The following PPARD variants were observed in gnomAD, a reference collection of about 807,000 sequenced individuals.
The protein encoded by PPARD is peroxisome proliferator activated receptor delta, also known as peroxisome proliferator-activated receptor delta.
In PPARD, 6 loss-of-function variants were observed where a neutral mutation model predicts 39.5. The ratio of observed to expected loss-of-function variants is 0.15; its 90% confidence interval spans 0.08 to 0.30. The LOEUF (loss-of-function observed/expected upper bound fraction) is 0.30, where lower values mean the gene tolerates loss of function less well. PPARD is among the 10% of genes least tolerant of loss of function. The probability of loss-of-function intolerance (pLI) is 1.00; values close to 1 mark genes in which losing one functional copy is unlikely to be tolerated. For synonymous variants in PPARD, 210 were observed against 231.3 expected, an observed-to-expected ratio of 0.91 and a Z score of 0.83; for missense variants, 397 against 596.8, an observed-to-expected ratio of 0.67 and a Z score of 3.49.
chr6:35,368,606 A>AC (rs1468774601), intron 2 of PPARD, among the ~76,000 whole-genome samples: 1 of 152,012 alleles, frequency 6.6e-6, no homozygotes, highest in Non-Finnish European at 1.5e-5. Flanking sequence ...AGAGGCTGGC[A>AC]CCCTCCCTCA....
intron 5 of PPARD, among the ~76,000 whole-genome samples, chr6:35,423,310 C>T (rs1766318546): frequency 6.6e-6 from 1 of 151,822 alleles, no homozygotes; most frequent in Non-Finnish European, 1.5e-5. Context: ...GAGTGGATCA[C>T]CTGAGGTCAG....
intron 2 of PPARD, 65 bp downstream of exon 2, chr6:35,347,215 C>T: frequency 6.6e-7 from 1 of 1,509,410 alleles, no homozygotes; most frequent in Non-Finnish European, 8.9e-7. Flanking sequence ...GATTTAAGAT[C>T]CTGACCTTGA....
rs533547322 is a variant in PPARD, at chr6:35,366,904, A to T, written c.-102+19754A>T. 3.9e-5 allele frequency among the ~76,000 whole-genome samples: 6 copies of T among 152,356 alleles called. No individual in the cohort carries two copies. The highest frequency in any genetic ancestry group is 3.4e-3 in the Middle Eastern group (1 of 294). ...TTTCTTCGAAATGACCACAAAAAGA[A>T]GGTATTACTGATTAATATGCATATG... is the stretch of plus-strand genomic sequence containing the variant. On this transcript the variant is annotated intron_variant, in intron 2 of 7. Coordinates refer to ENST00000360694, the MANE Select transcript of PPARD (RefSeq NM_006238.5). The surrounding 1 kb of genome is among the most constrained non-coding windows in gnomAD (Gnocchi z 4.6).
intron 2 of PPARD, among the ~76,000 whole-genome samples, chr6:35,355,550 T>G (rs1319574341): frequency 1.8e-5 from 2 of 108,358 alleles, no homozygotes; most frequent in East Asian, 4.7e-4. Flanking sequence ...AGGCCCTGTC[T>G]GTAAAAAAAA....
intron 2 of PPARD, among the ~76,000 whole-genome samples, chr6:35,376,508 G>A (rs1300512609): frequency 1.3e-5 from 2 of 152,072 alleles, no homozygotes; most frequent in African/African-American, 4.8e-5. Flanking sequence ...TTGGGTGTGA[G>A]TTCATCTCCA....
chr6:35,348,732 G>C, intron 2 of PPARD: 2 of 985,330 alleles, frequency 2.0e-6, no homozygotes. Context: ...GGAAGGTCCT[G>C]GGTGGGGGGC....
intron 2 of PPARD, among the ~76,000 whole-genome samples, chr6:35,407,981 C>T (rs961478273): frequency 4.6e-5 from 7 of 152,230 alleles, no homozygotes; most frequent in East Asian, 3.9e-4. Flanking sequence ...AACAGAAATC[C>T]GGCAATCAGT....
At chr6:35,381,359 T>C (rs1763143727) in intron 2 of PPARD, among the ~76,000 whole-genome samples, 1 of 152,222 alleles carries the variant, frequency 6.6e-6, no homozygotes. Context: ...CTAAATTTAA[T>C]TGGTTTACTC....
chr6:35,402,493 C>A (rs1272113295), intron 2 of PPARD, among the ~76,000 whole-genome samples: 1 of 152,168 alleles, frequency 6.6e-6, no homozygotes, highest in African/African-American at 2.4e-5. Context: ...GAAGAGTACC[C>A]TCCTGTCTCT....
rs1288800210 is a variant in PPARD, at chr6:35,363,606, G to A, written c.-102+16456G>A. Among the ~76,000 whole-genome samples, 3 of 152,092 alleles carry A rather than the reference G, an allele frequency of 2.0e-5. No homozygotes were observed. Among genetic ancestry groups the A allele is most frequent in the Non-Finnish European group, 4.4e-5 (3 of 68,018 alleles). On this transcript the variant is annotated intron_variant, in intron 2 of 7. Transcript: ENST00000360694. The surrounding 1 kb of genome is among the most constrained non-coding windows in gnomAD (Gnocchi z 4.5). ...TGGTGTGGACCCACCAGGAAAGGGT[G>A]GATCCAGTGAGGCGGGGGCCAGGCC...
chr6:35,388,885 C>T (rs60514539), intron 2 of PPARD, among the ~76,000 whole-genome samples: 1,932 of 152,266 alleles, frequency 0.013, 34 homozygotes, highest in African/African-American at 0.041. Context: ...ATGCCTGCTG[C>T]GTGCCCAGCA....
rs9658101 is a variant in PPARD, at chr6:35,389,006, G to A, written c.-101-21981G>A. ...ACAGCAGGCAAAACTAGCTGATGGTGATAGAGGTCAGAAGAGTGGTTTACA... is the reference window on the plus strand; with the variant it reads ...ACAGCAGGCAAAACTAGCTGATGGTAATAGAGGTCAGAAGAGTGGTTTACA... On this transcript the variant is annotated intron_variant, in intron 2 of 7. Transcript: ENST00000360694. 2.8e-3 allele frequency among the ~76,000 whole-genome samples: 433 copies of A among 152,204 alleles called. 2 individuals carry two copies. The highest frequency in any genetic ancestry group is 4.9e-3 in the Non-Finnish European group (334 of 68,018).
chr6:35,376,199 G>A (rs890105045), intron 2 of PPARD, among the ~76,000 whole-genome samples: 1 of 152,164 alleles, frequency 6.6e-6, no homozygotes. Flanking sequence ...TTCCCCTAAT[G>A]TTAATCTCTT....
Position 35,424,395 on chromosome 6 carries a change from G to T in PPARD, c.694G>T (p.Val232Leu). ...AEKGLVWKQL[V>L]NGLPPYKEIS... Reference sequence around the variant, plus strand: ...GAAGGGGCTGGTGTGGAAGCAGTTGGTGAATGGCCTGCCTCCCTACAAGGA... The same window carrying T: ...GAAGGGGCTGGTGTGGAAGCAGTTGTTGAATGGCCTGCCTCCCTACAAGGA... Residue 232 changes from valine (V) to leucine (L), a missense_variant, in exon 7 of 8, where the codon GTG becomes TTG. Val to Leu is a conservative substitution (Grantham distance 32, BLOSUM62 1). Coordinates refer to ENST00000360694, the MANE Select transcript of PPARD (RefSeq NM_006238.5). This position sits in a 1 kb window ranked among gnomAD's most constrained non-coding sequence, Gnocchi z 7.1. 1 of 1,614,054 alleles carries T rather than the reference G, an allele frequency of 6.2e-7. No individual in the cohort carries two copies. The highest frequency in any genetic ancestry group is 1.1e-5 in the South Asian group (1 of 91,074).
In PPARD at chr6:35,410,925, C is replaced by T. The variant is rs899402577; in HGVS notation, c.-101-62C>T. ...CAGCAGCCCCCAAGCGTGCCCCACT[C>T]GCACCATCCTCTTCCTTGTCACTGC... is the stretch of plus-strand genomic sequence containing the variant. On this transcript the variant is annotated intron_variant, in intron 2 of 7. Coordinates refer to ENST00000360694, the MANE Select transcript of PPARD (RefSeq NM_006238.5). The T allele has an allele frequency of 9.7e-5, 122 of 1,254,278 alleles. 1 individual carries two copies. Among genetic ancestry groups the T allele is most frequent in the Admixed American group, 2.5e-4 (6 of 24,034 alleles). The allele number at this position is 1,254,278 out of a possible 1,614,324, so 77.7% of individuals were successfully genotyped here.
At chr6:35,376,154 G>A (rs1762804150) in intron 2 of PPARD, among the ~76,000 whole-genome samples, 1 of 152,144 alleles carries the variant, frequency 6.6e-6, no homozygotes, top group African/African-American at 2.4e-5. Context: ...GATAAACTTA[G>A]CTTTACACAG....
chr6:35,425,771 G>T lies in PPARD; in HGVS notation c.1079-61G>T. The T allele has an allele frequency of 6.3e-7, 1 of 1,588,436 alleles. No homozygotes were observed. The highest frequency in any genetic ancestry group is 8.6e-7 in the Non-Finnish European group (1 of 1,168,200). On this transcript the variant is annotated intron_variant, in intron 7 of 7. Coordinates refer to ENST00000360694, the MANE Select transcript of PPARD (RefSeq NM_006238.5). This position sits in a 1 kb window ranked among gnomAD's most constrained non-coding sequence, Gnocchi z 4.5. ...CCCCTGGGCCAAGTCACCTCTTGGG[G>T]TGGAAGTAGGGGAGCTCCACTGCCT...
intron 2 of PPARD, among the ~76,000 whole-genome samples, chr6:35,384,998 C>T (rs1274455483): frequency 7.0e-6 from 1 of 142,226 alleles, no homozygotes; most frequent in Non-Finnish European, 1.5e-5. Flanking sequence ...GCCGCCCCGT[C>T]CGGGAGGGAG....
intron 2 of PPARD, among the ~76,000 whole-genome samples, chr6:35,360,622 T>C (rs915021353): frequency 1.4e-4 from 21 of 152,380 alleles, no homozygotes; most frequent in Admixed American, 1.3e-3. Context: ...CAAATAGTTA[T>C]GCAAGTGTTG....
Sources: gnomAD v4.1 joint callset for allele counts (sites outside exome capture counted in the v4.1 genomes callset) on GRCh38, gnomAD v4.1.1 for gene constraint, Gnocchi (gnomAD v3.1) non-coding constraint, MANE v1.5 for transcripts, NCBI Gene and HGNC (gene_info 2026-07-23, HGNC 2026-07-21) for gene names.